Variants in RARB observed in about 807,000 individuals in gnomAD.
The protein encoded by RARB is HBV-activated protein.
A neutral mutation model predicts 51.9 loss-of-function variants in RARB; 17 were observed. The observed-to-expected ratio is 0.33, with a 90% CI of 0.22 to 0.49. The LOEUF (loss-of-function observed/expected upper bound fraction) is 0.49, where lower values mean the gene tolerates loss of function less well. Ranked by LOEUF, RARB falls within the 20% of genes least tolerant of loss-of-function variation. The pLI, the probability that RARB is intolerant of heterozygous loss-of-function variation, is 0.99. For missense variants in RARB, 369 were observed against 550.8 expected (o/e 0.67, Z 3.30); for synonymous variants, 215 against 195.4 (o/e 1.10, Z -0.84).
intron 2 of RARB, among the ~76,000 whole-genome samples, chr3:24,907,152 G>A (rs1373820477): frequency 1.3e-5 from 2 of 152,150 alleles, no homozygotes. Flanking sequence ...GAAGCCAGGA[G>A]AAAAGGGCCA....
intron 2 of RARB, among the ~76,000 whole-genome samples, chr3:25,489,412 A>G (rs914454929): frequency 1.3e-5 from 2 of 152,210 alleles, no homozygotes; most frequent in Admixed American, 1.3e-4. Flanking sequence ...TTCCTTGCAT[A>G]TAAAGTATTT....
intron 2 of RARB, among the ~76,000 whole-genome samples, chr3:25,480,910 A>AT (rs1013671461): frequency 6.6e-6 from 1 of 152,170 alleles, no homozygotes; most frequent in African/African-American, 2.4e-5. Flanking sequence ...CAAAGGATCG[A>AT]TTAATTGATC....
intron 5 of RARB, among the ~76,000 whole-genome samples, chr3:25,277,505 T>C (rs1222731228): frequency 1.3e-5 from 2 of 152,174 alleles, no homozygotes; most frequent in Non-Finnish European, 2.9e-5. Flanking sequence ...AGTTTGCAAA[T>C]TGATTTGTCC....
At chr3:25,233,875 T>C (rs1303511988) in intron 5 of RARB, among the ~76,000 whole-genome samples, 1 of 151,968 alleles carries the variant, frequency 6.6e-6, no homozygotes, top group Admixed American at 6.6e-5. Context: ...ATGCCATCAT[T>C]AACTTCATTG....
At chr3:24,845,414 G>A (rs1575033175) in intron 1 of RARB, among the ~76,000 whole-genome samples, 1 of 152,292 alleles carries the variant, frequency 6.6e-6, no homozygotes, top group East Asian at 1.9e-4. Context: ...CAAAGGCTCA[G>A]CTGTCTTCCA....
At chr3:24,928,343 T>C (rs185051933) in intron 2 of RARB, among the ~76,000 whole-genome samples, 1 of 152,002 alleles carries the variant, frequency 6.6e-6, no homozygotes, top group African/African-American at 2.4e-5. Flanking sequence ...TTGTAATTCA[T>C]ACTTACATTA....
At chr3:24,941,238 T>C (rs974703395) in intron 2 of RARB, among the ~76,000 whole-genome samples, 1 of 152,190 alleles carries the variant, frequency 6.6e-6, no homozygotes, top group Admixed American at 6.5e-5. Context: ...AATGGGGCCT[T>C]CCTTAGCATT....
chr3:25,282,296 C>T (rs916306034), intron 5 of RARB, among the ~76,000 whole-genome samples: 1 of 152,168 alleles, frequency 6.6e-6, no homozygotes, highest in Non-Finnish European at 1.5e-5. Context: ...TTTGCACTGA[C>T]CATTCCCTCT....
chr3:25,319,290 G>A (rs1435047793), intron 5 of RARB, among the ~76,000 whole-genome samples: 2 of 152,132 alleles, frequency 1.3e-5, no homozygotes, highest in African/African-American at 4.8e-5. Context: ...ACAGTTTAAT[G>A]GCATAGACGA....
intron 3 of RARB, among the ~76,000 whole-genome samples, chr3:25,113,364 G>C (rs1318685873): frequency 6.6e-6 from 1 of 152,064 alleles, no homozygotes; most frequent in Non-Finnish European, 1.5e-5. Context: ...TTTCCTAAAA[G>C]TCTAATTTTG....
chr3:24,860,688 C>T lies in RARB; in HGVS notation c.-380+1936C>T, dbSNP rs560253822. 5.3e-5 allele frequency among the ~76,000 whole-genome samples: 8 copies of T among 152,222 alleles called. No homozygotes were observed. In the South Asian group the frequency reaches 1.7e-3, roughly 32 times the overall value. ...TCTTTAAATTTCTTCTAAATCATTG[C>T]AAGCTTTTTCTAAATAGAATACCCC... is the stretch of plus-strand genomic sequence containing the variant. On this transcript the variant is annotated intron_variant, in intron 2 of 11. Coordinates refer to the RARB transcript ENST00000383772.
intron 5 of RARB, among the ~76,000 whole-genome samples, chr3:25,218,977 C>G (rs1404837846): frequency 6.6e-6 from 1 of 152,138 alleles, no homozygotes; most frequent in African/African-American, 2.4e-5. Flanking sequence ...GGCCTTTGCA[C>G]CTGGATTTCC....
intron 2 of RARB, among the ~76,000 whole-genome samples, chr3:24,892,140 G>A (rs933255465): frequency 2.6e-5 from 4 of 151,418 alleles, no homozygotes; most frequent in African/African-American, 7.3e-5. Flanking sequence ...GATGAAGGAG[G>A]ACATGTTTCT....
intron 3 of RARB, among the ~76,000 whole-genome samples, chr3:25,108,369 A>AG (rs1411572947): frequency 6.6e-6 from 1 of 152,222 alleles, no homozygotes; most frequent in Non-Finnish European, 1.5e-5. Flanking sequence ...TGAGGTCACC[A>AG]GGTAGTTATC....
intron 3 of RARB, among the ~76,000 whole-genome samples, chr3:25,123,262 A>G (rs1239822983): frequency 6.6e-6 from 1 of 152,134 alleles, no homozygotes; most frequent in Non-Finnish European, 1.5e-5. Flanking sequence ...TGTGTTTCAC[A>G]GTTTCATTTC....
chr3:25,536,433 C>CA (rs1278150162), intron 3 of RARB, among the ~76,000 whole-genome samples: 2 of 152,124 alleles, frequency 1.3e-5, no homozygotes, highest in African/African-American at 4.8e-5. Context: ...TAGATTATGC[C>CA]AATTCATTAC....
At chr3:25,180,333 C>T (rs111679966) in intron 5 of RARB, among the ~76,000 whole-genome samples, 15 of 152,206 alleles carry the variant, frequency 9.9e-5, no homozygotes, top group Admixed American at 3.9e-4. Flanking sequence ...AAAATGTAGA[C>T]GTTTAAAAAG....
At chr3:24,993,604 G>A (rs1193027668) in intron 2 of RARB, among the ~76,000 whole-genome samples, 1 of 151,966 alleles carries the variant, frequency 6.6e-6, no homozygotes, top group Non-Finnish European at 1.5e-5. Flanking sequence ...TAGAATACTG[G>A]AATTTGTTCT....
chr3:25,317,088 A>AGTATTAT (rs1575307164), intron 5 of RARB, among the ~76,000 whole-genome samples: 2 of 152,296 alleles, frequency 1.3e-5, no homozygotes, highest in African/African-American at 2.4e-5. Context: ...AAGTCGTGTA[A>AGTATTAT]AAGAATACAA....
Sources: gnomAD v4.1 joint callset for allele counts (sites outside exome capture counted in the v4.1 genomes callset) on GRCh38, gnomAD v4.1.1 for gene constraint, MANE v1.5 for transcripts, NCBI Gene and HGNC (gene_info 2026-07-23, HGNC 2026-07-21) for gene names.